CD163L1: variants seen among roughly 807,000 people sequenced by gnomAD.
CD163L1 encodes the protein scavenger receptor cysteine-rich type 1 protein M160.
In CD163L1, 124 loss-of-function variants were observed where a neutral mutation model predicts 165.4. The observed-to-expected ratio is 0.75, with a 90% CI of 0.65 to 0.87. The LOEUF is 0.87. Ranked by LOEUF, CD163L1 falls within the 40% of genes least tolerant of loss-of-function variation. The pLI, the probability that CD163L1 is intolerant of heterozygous loss-of-function variation, is 0.00. For missense variants in CD163L1, 1,525 were observed against 1,799.9 expected (o/e 0.85, Z 2.76); for synonymous variants, 585 against 662.2 (o/e 0.88, Z 1.79).
At position 7,380,274 on chromosome 12, in the gene CD163L1, G is replaced by GGT. The variant is rs56789470; in HGVS notation, c.2051-978_2051-977dup. On this transcript the variant is annotated intron_variant, in intron 8 of 19. Transcript: ENST00000313599. ...ATCAACAAGTGGATAAAGAAACTGT[G>GGT]GTGTGTGTGTGTGTGTGTGTGTGTG... Among the ~76,000 whole-genome samples the GGT allele has an allele frequency of 4.7e-4, 69 of 146,864 alleles. 1 individual carries two copies. The highest frequency in any genetic ancestry group is 1.7e-3 in the African/African-American group (67 of 39,464).
At chr12:7,441,341 G>A (rs1378366129) in intron 1 of CD163L1, 95 bp from the exon 2 acceptor site, 3 of 873,352 alleles carry the variant, frequency 3.4e-6, no homozygotes, top group East Asian at 2.5e-5. Flanking sequence ...AATAGAAGGA[G>A]TAAGATGAAT....
At chr12:7,360,506 T>C (rs1946869726) in intron 18 of CD163L1, among the ~76,000 whole-genome samples, 1 of 152,176 alleles carries the variant, frequency 6.6e-6, no homozygotes, top group Non-Finnish European at 1.5e-5. Flanking sequence ...GGTATCTTTT[T>C]CCTCTCTATT....
At chr12:7,330,402 G>A in the CD163L1 span, among the ~76,000 whole-genome samples, 1 of 152,162 alleles carries the variant, frequency 6.6e-6, no homozygotes, top group African/African-American at 2.4e-5. Flanking sequence ...TTACTTCACA[G>A]ACTTTGTTGG....
intron 8 of CD163L1, among the ~76,000 whole-genome samples, chr12:7,383,862 A>G (rs1947461992): frequency 6.6e-6 from 1 of 152,258 alleles, no homozygotes; most frequent in Non-Finnish European, 1.5e-5. Context: ...CAACGATTTT[A>G]TACCAGATGC....
At chr12:7,357,957 T>C (rs1946812121) in intron 18 of CD163L1, among the ~76,000 whole-genome samples, 1 of 152,186 alleles carries the variant, frequency 6.6e-6, no homozygotes, top group African/African-American at 2.4e-5. Flanking sequence ...GACTGCATCT[T>C]TTAAGAGTAA....
chr12:7,331,330 G>A, the CD163L1 span, among the ~76,000 whole-genome samples: 7 of 152,366 alleles, frequency 4.6e-5, no homozygotes, highest in South Asian at 1.2e-3. Flanking sequence ...CAGGAAGCCT[G>A]CCTGCCTCTG....
intron 6 of CD163L1, among the ~76,000 whole-genome samples, chr12:7,401,223 C>A (rs11053688): frequency 0.49 from 74,594 of 151,806 alleles, 22,617 homozygotes; most frequent in Non-Finnish European, 0.69. Flanking sequence ...CATGAAGATT[C>A]CATGAACCCA....
At position 7,406,518 on chromosome 12, in the gene CD163L1, G is replaced by A; in HGVS notation, c.1087+14C>T. 1.9e-6 allele frequency: 3 copies of A among 1,607,226 alleles called. No individual in the cohort carries two copies. The highest frequency in any genetic ancestry group is 2.5e-6 in the Non-Finnish European group (3 of 1,178,202). On this transcript the variant is annotated intron_variant, in intron 5 of 19. Coordinates refer to ENST00000313599, the MANE Select transcript of CD163L1 (RefSeq NM_174941.6). ...AAATTTTATCTGATGTAATCATGTGGATGTAAGTCTTACCTGAGCAGATCA... is the reference window on the plus strand; with the variant it reads ...AAATTTTATCTGATGTAATCATGTGAATGTAAGTCTTACCTGAGCAGATCA...
rs1195184169 is a variant in CD163L1, at chr12:7,396,241, A to G, written c.1904T>C (p.Leu635Pro). Residue 635 changes from leucine to proline, a missense_variant, in exon 8 of 20, where the codon CTG becomes CCG. Coordinates refer to ENST00000313599, the MANE Select transcript of CD163L1 (RefSeq NM_174941.6). ...DCPSSIIGMGLGNASTGYGKI... is the reference protein window; with the variant it reads ...DCPSSIIGMGPGNASTGYGKI... ...TCCATATCCTGTAGAAGCGTTTCCC[A>G]GACCCATGCCAATGATAGAAGATGG... The G allele has an allele frequency of 6.2e-7, 1 of 1,614,106 alleles. No homozygotes were observed.
rs775944187 is a variant in CD163L1, at chr12:7,362,989, G to T, written c.4279+4247C>A. Among the ~76,000 whole-genome samples, 13 of 151,824 alleles carry T rather than the reference G, an allele frequency of 8.6e-5. No homozygotes were observed. In the East Asian group the frequency reaches 1.7e-3, roughly 20 times the overall value. ...AGAGATTTTTTAAAAAAATGGAAAT[G>T]AAAACACAACATACTGAAATATATG... On this transcript the variant is annotated intron_variant, in intron 18 of 19. Transcript: ENST00000313599.
the CD163L1 span, chr12:7,320,732 C>A: frequency 6.2e-7 from 1 of 1,613,304 alleles, no homozygotes; most frequent in South Asian, 1.1e-5. Context: ...CAGACACTTA[C>A]TACTTATCCC....
intron 4 of CD163L1, among the ~76,000 whole-genome samples, chr12:7,427,704 G>T (rs1384264881): frequency 6.6e-6 from 1 of 152,040 alleles, no homozygotes; most frequent in African/African-American, 2.4e-5. Flanking sequence ...CAGATAGCAA[G>T]AATTTGACAA....
At position 7,372,639 on chromosome 12, in the gene CD163L1, C is replaced by T. The variant is rs1237578685; in HGVS notation, c.3730+681G>A. Among the ~76,000 whole-genome samples the T allele has an allele frequency of 3.3e-5, 5 of 151,618 alleles. No individual in the cohort carries two copies. Among genetic ancestry groups the T allele is most frequent in the African/African-American group, 9.7e-5 (4 of 41,426 alleles). On this transcript the variant is annotated intron_variant, in intron 14 of 19. Transcript: ENST00000313599. The surrounding 1 kb of genome is among the most constrained non-coding windows in gnomAD (Gnocchi z 4.2). ...CTACATTACATGCATATATATCATA[C>T]TATATATACATATACATATATAGTA...
chr12:7,436,192 TTA>T (rs908847970), intron 2 of CD163L1, among the ~76,000 whole-genome samples: 1 of 152,184 alleles, frequency 6.6e-6, no homozygotes, highest in African/African-American at 2.4e-5. Context: ...AGGGATGGAT[TTA>T]TGTGTGCCAT....
chr12:7,411,680 A>G (rs1057231870), intron 4 of CD163L1, among the ~76,000 whole-genome samples: 5 of 152,236 alleles, frequency 3.3e-5, no homozygotes, highest in African/African-American at 1.2e-4. Flanking sequence ...CAGCCTGCAG[A>G]ACCATGAACC....
chr12:7,375,049 A>C, intron 11 of CD163L1, 126 bp from the exon 12 acceptor site: 2 of 947,364 alleles, frequency 2.1e-6, no homozygotes, highest in South Asian at 3.1e-5. Flanking sequence ...CGTCTATTGA[A>C]ATCATTTTTA....
chr12:7,357,533 C>A, intron 18 of CD163L1, 47 bp from the exon 19 acceptor site: 1 of 1,530,232 alleles, frequency 6.5e-7, no homozygotes, highest in South Asian at 1.1e-5. Flanking sequence ...GAAAACCTCT[C>A]TGCAGAGGGA....
At chr12:7,325,171 G>A in the CD163L1 span, among the ~76,000 whole-genome samples, 1 of 152,208 alleles carries the variant, frequency 6.6e-6, no homozygotes, top group Non-Finnish European at 1.5e-5. Flanking sequence ...TGGATCATAC[G>A]TCTATCCTTG....
chr12:7,395,514 A>G (rs1947753906), intron 8 of CD163L1, among the ~76,000 whole-genome samples: 2 of 152,222 alleles, frequency 1.3e-5, no homozygotes, highest in South Asian at 4.1e-4. Flanking sequence ...TGATGGGTGC[A>G]GCAAACCAAC....
Sources: gnomAD v4.1 joint callset for allele counts (sites outside exome capture counted in the v4.1 genomes callset) on GRCh38, gnomAD v4.1.1 for gene constraint, Gnocchi (gnomAD v3.1) non-coding constraint, MANE v1.5 for transcripts, NCBI Gene and HGNC (gene_info 2026-07-23, HGNC 2026-07-21) for gene names.